CEP135: variants seen among roughly 807,000 people sequenced by gnomAD.
CEP135 encodes centrosomal protein 135.
Under a neutral mutation model 157.3 loss-of-function variants are expected in CEP135, and 142 were observed. The observed-to-expected ratio is 0.90, with a 90% CI of 0.79 to 1.04. The LOEUF (loss-of-function observed/expected upper bound fraction) is 1.04, where lower values mean the gene tolerates loss of function less well. Ranked by LOEUF, CEP135 falls within the 50% of genes least tolerant of loss-of-function variation. The pLI is 0.00. For missense variants in CEP135, 1,317 were observed against 1,309.2 expected (o/e 1.01, Z -0.09); for synonymous variants, 396 against 439.8 (o/e 0.90, Z 1.25).
chr4:55,976,285 G>A (rs1424857424), intron 11 of CEP135, among the ~76,000 whole-genome samples: 1 of 151,516 alleles, frequency 6.6e-6, no homozygotes, highest in African/African-American at 2.4e-5. Context: ...TGAATTGGTG[G>A]GAAAATGCAG....
intron 21 of CEP135, 44 bp downstream of exon 21, chr4:56,012,029 A>G (rs754560953): frequency 9.0e-7 from 1 of 1,109,636 alleles, no homozygotes; most frequent in Non-Finnish European, 1.2e-6. Flanking sequence ...TTAGTGAAAC[A>G]GAAAACATTC....
chr4:56,032,090 G>T lies in CEP135; in HGVS notation c.*742G>T, dbSNP rs1451253085. On this transcript the variant is annotated 3_prime_UTR_variant, in exon 26 of 26. Coordinates refer to ENST00000257287, the MANE Select transcript of CEP135 (RefSeq NM_025009.5). ...TATAAAACAATAGAACAGAAATTTG[G>T]GACATTTTTCTAGGAAATAAAATTC... 6.6e-6 allele frequency: 1 copy of T among 152,042 alleles called. No individual in the cohort carries two copies. Among genetic ancestry groups the T allele is most frequent in the East Asian group, 1.9e-4 (1 of 5,190 alleles). The allele number at this position is 152,042 out of a possible 1,614,324, so 9.4% of individuals were successfully genotyped here.
intron 14 of CEP135, among the ~76,000 whole-genome samples, chr4:55,989,651 A>G (rs7670026): frequency 0.19 from 29,540 of 152,230 alleles, 3,195 homozygotes; most frequent in Non-Finnish European, 0.26. Context: ...AAGCCTCAAC[A>G]GAAGATGTGA....
intron 25 of CEP135, among the ~76,000 whole-genome samples, chr4:56,028,655 A>C (rs926115263): frequency 6.6e-6 from 1 of 152,150 alleles, no homozygotes; most frequent in African/African-American, 2.4e-5. Context: ...GGCATCTCAG[A>C]TTAGTGTCTC....
Position 55,959,694 on chromosome 4 carries a change from T to G in CEP135, c.627T>G (p.Leu209=), listed in dbSNP as rs372748512. ...LQVADNRIQE[L]QQEVHQLQEK... ...AAGTGCTTTTCAGGATTCAAGAACTTCAACAGGAAGTCCACCAGCTACAAG... is the reference window on the plus strand; with the variant it reads ...AAGTGCTTTTCAGGATTCAAGAACTGCAACAGGAAGTCCACCAGCTACAAG... Residue 209 remains leucine (L), a synonymous_variant, in exon 6 of 26, where the codon CTT becomes CTG. Coordinates refer to ENST00000257287, the MANE Select transcript of CEP135 (RefSeq NM_025009.5). 6.2e-7 allele frequency: 1 copy of G among 1,613,876 alleles called. No homozygotes were observed. Among genetic ancestry groups the G allele is most frequent in the African/African-American group, 1.3e-5 (1 of 74,914 alleles).
At chr4:56,031,132 T>C (rs2109760044) in intron 25 of CEP135, among the ~76,000 whole-genome samples, 1 of 146,802 alleles carries the variant, frequency 6.8e-6, no homozygotes, top group Middle Eastern at 3.5e-3. Flanking sequence ...ACCCTATCTC[T>C]AAATAAATAA....
chr4:56,023,620 TATAAC>T (rs1731040826), intron 24 of CEP135, among the ~76,000 whole-genome samples: 1 of 146,366 alleles, frequency 6.8e-6, no homozygotes, highest in Non-Finnish European at 1.5e-5. Flanking sequence ...TTATAATTAA[TATAAC>T]ATAGTAATAT....
chr4:55,959,738 A>G lies in CEP135; in HGVS notation c.671A>G (p.Glu224Gly). ...CTACAAGAAAAGTTAGCAATGATGG[A>G]AAGTGGGGTGAGAGACTATAGCAAG... ...HQLQEKLAMM[E>G]SGVRDYSKQI... is the part of the protein sequence containing the mutation. The change falls in exon 6 of 26, where the codon GAA becomes GGA. Residue 224 changes from glutamate (E) to glycine (G), a missense_variant. Physicochemically the swap from Glu to Gly is moderately conservative, Grantham distance 98. Transcript: ENST00000257287. 1.2e-6 allele frequency: 2 copies of G among 1,614,106 alleles called. No homozygotes were observed. The highest frequency in any genetic ancestry group is 1.7e-5 in the Admixed American group (1 of 60,034).
intron 5 of CEP135, among the ~76,000 whole-genome samples, chr4:55,958,739 A>G (rs973608894): frequency 1.3e-5 from 2 of 152,146 alleles, no homozygotes; most frequent in African/African-American, 4.8e-5. Context: ...CATCAGGTAC[A>G]AGCCGTATCC....
chr4:55,951,372 G>A (rs987259485), intron 1 of CEP135, among the ~76,000 whole-genome samples: 2 of 152,210 alleles, frequency 1.3e-5, no homozygotes, highest in African/African-American at 4.8e-5. Flanking sequence ...GAAGATTCCA[G>A]TTGCTCCAGA....
At chr4:55,985,559 A>G (rs1729553082) in intron 14 of CEP135, among the ~76,000 whole-genome samples, 1 of 152,064 alleles carries the variant, frequency 6.6e-6, no homozygotes, top group Admixed American at 6.6e-5. Flanking sequence ...GCTTCAAGCG[A>G]TTCTCCTGCC....
intron 11 of CEP135, among the ~76,000 whole-genome samples, chr4:55,975,756 G>C (rs1729190414): frequency 2.0e-5 from 3 of 152,064 alleles, no homozygotes; most frequent in Admixed American, 1.3e-4. Flanking sequence ...GGGAAATCTG[G>C]GAGTGTAGAG....
At chr4:55,993,960 G>T (rs1289524162) in intron 15 of CEP135, among the ~76,000 whole-genome samples, 1 of 152,082 alleles carries the variant, frequency 6.6e-6, no homozygotes. Flanking sequence ...TGGGGATATG[G>T]CATTATTTTA....
At chr4:55,954,135 CT>C in intron 3 of CEP135, 80 bp from the exon 4 acceptor site, 1 of 1,286,832 alleles carries the variant, frequency 7.8e-7, no homozygotes, top group South Asian at 1.6e-5. Flanking sequence ...ATTGATATGA[CT>C]TTTTGTATTT....
At chr4:55,985,792 T>C (rs1729562494) in intron 14 of CEP135, among the ~76,000 whole-genome samples, 1 of 152,108 alleles carries the variant, frequency 6.6e-6, no homozygotes, top group Non-Finnish European at 1.5e-5. Context: ...ACAATTACAA[T>C]AGCTGGGCAT....
At chr4:56,023,921 T>A (rs1394475103) in intron 24 of CEP135, among the ~76,000 whole-genome samples, 1 of 138,748 alleles carries the variant, frequency 7.2e-6, no homozygotes, top group African/African-American at 2.6e-5. Flanking sequence ...AAGTAGTGGA[T>A]AAAAGATTTT....
intron 1 of CEP135, among the ~76,000 whole-genome samples, chr4:55,949,475 T>C (rs1728286492): frequency 6.6e-6 from 1 of 152,252 alleles, no homozygotes; most frequent in Admixed American, 6.5e-5. Context: ...AATTAACCTT[T>C]GCCCAGCTCC....
Position 56,019,505 on chromosome 4 carries a change from T to C in CEP135, c.3165T>C (p.Asp1055=). The C allele has an allele frequency of 6.2e-7, 1 of 1,614,002 alleles. No homozygotes were observed. Among genetic ancestry groups the C allele is most frequent in the Non-Finnish European group, 8.5e-7 (1 of 1,179,988 alleles). The change falls in exon 23 of 26, where the codon GAT becomes GAC. Residue 1055 remains aspartate, a synonymous_variant. Transcript: ENST00000257287. Reference sequence around the variant, plus strand: ...CTCACTTAACCTCCCACGAGAAGGATACAGAAATCCAGCTACTTAAGGAGA... The same window carrying C: ...CTCACTTAACCTCCCACGAGAAGGACACAGAAATCCAGCTACTTAAGGAGA... ...FHSHLTSHEK[D]TEIQLLKEKL...
intron 6 of CEP135, among the ~76,000 whole-genome samples, chr4:55,961,434 A>G (rs1376262052): frequency 1.3e-5 from 2 of 151,808 alleles, no homozygotes; most frequent in Admixed American, 1.3e-4. Context: ...CATATTCCAG[A>G]TTTTGCTGTT....
Sources: gnomAD v4.1 joint callset for allele counts (sites outside exome capture counted in the v4.1 genomes callset) on GRCh38, gnomAD v4.1.1 for gene constraint, MANE v1.5 for transcripts, NCBI Gene and HGNC (gene_info 2026-07-23, HGNC 2026-07-21) for gene names.